Variants in YPEL3 observed in about 807,000 individuals in gnomAD.
YPEL3 encodes the protein protein yippee-like 3.
In YPEL3, 5 loss-of-function variants were observed where a neutral mutation model predicts 17.5. The ratio of observed to expected loss-of-function variants is 0.29; its 90% confidence interval spans 0.15 to 0.60. The LOEUF (loss-of-function observed/expected upper bound fraction) is 0.60, where lower values mean the gene tolerates loss of function less well. YPEL3 is among the 20% of genes least tolerant of loss of function. YPEL3 has a pLI of 0.87. For synonymous variants in YPEL3, 87 were observed against 87.2 expected, an observed-to-expected ratio of 1.00 and a Z score of 0.01; for missense variants, 155 against 211.4, an observed-to-expected ratio of 0.73 and a Z score of 1.65.
Position 30,094,821 on chromosome 16 carries a change from C to T in YPEL3, c.352G>A (p.Glu118Lys). 2 of 1,614,148 alleles carry T rather than the reference C, an allele frequency of 1.2e-6. No individual in the cohort carries two copies. The highest frequency in any genetic ancestry group is 1.1e-5 in the South Asian group (1 of 91,080). Residue 118 changes from glutamate to lysine, a missense_variant, in exon 3 of 4, where the codon GAG becomes AAG. Around this residue, in one of 3 missense-constraint regions of YPEL3, gnomAD observed 74 missense variants for 134.9 expected, o/e 0.55. Coordinates refer to ENST00000398841, the MANE Select transcript of YPEL3 (RefSeq NM_031477.5). ...GLHAVADIHC[E>K]NCKTTLGWKY... ...CAGCCCAAAGTGGTCTTGCAGTTCT[C>T]GCAGTGGATGTCGGCGACAGCATGG...
chr16:30,092,783 C>T lies in YPEL3; in HGVS notation c.401G>A (p.Ser134Asn), dbSNP rs1217945065. 1 of 1,614,042 alleles carries T rather than the reference C, an allele frequency of 6.2e-7. No homozygotes were observed. Among genetic ancestry groups the T allele is most frequent in the African/African-American group, 1.3e-5 (1 of 74,928 alleles). ...LGWKYEQAFE[S>N]SQKYKEGKYI... ...CTTCCCCTCTTTGTACTTCTGGCTGCTCTCAAAGGCCTGTTCCTGAAAGGA... is the reference window on the plus strand; with the variant it reads ...CTTCCCCTCTTTGTACTTCTGGCTGTTCTCAAAGGCCTGTTCCTGAAAGGA... The change falls in exon 4 of 4, where the codon AGC becomes AAC. Residue 134 changes from serine (S) to asparagine (N), a missense_variant. Ser to Asn is a conservative substitution (Grantham distance 46). Coordinates refer to ENST00000398841, the MANE Select transcript of YPEL3 (RefSeq NM_031477.5).
At chr16:30,093,521 A>G (rs964558797) in intron 3 of YPEL3, among the ~76,000 whole-genome samples, 11 of 151,840 alleles carry the variant, frequency 7.2e-5, no homozygotes, top group Non-Finnish European at 7.4e-5. Context: ...TCAGACTCCC[A>G]AAAGTGCTGG....
Position 30,095,286 on chromosome 16 carries a change from G to C in YPEL3, c.197C>G (p.Ala66Gly). The C allele has an allele frequency of 1.2e-6, 2 of 1,614,210 alleles. No individual in the cohort carries two copies. The highest frequency in any genetic ancestry group is 1.1e-5 in the South Asian group (1 of 91,084). ...HRRYSCAHCR[A>G]HLANHDDLIS... Reference sequence around the variant, plus strand: ...GAGGTCGTCGTGGTTGGCCAGGTGAGCGCGGCAGTGGGCACAGCTATACCT... The same window carrying C: ...GAGGTCGTCGTGGTTGGCCAGGTGACCGCGGCAGTGGGCACAGCTATACCT... Residue 66 changes from alanine to glycine, a missense_variant, in exon 1 of 4, where the codon GCT (alanine) becomes GGT (glycine). Around this residue, in one of 3 missense-constraint regions of YPEL3, gnomAD observed 74 missense variants for 134.9 expected, o/e 0.55. Coordinates refer to ENST00000398841, the MANE Select transcript of YPEL3 (RefSeq NM_031477.5). The surrounding 1 kb of genome is among the most constrained non-coding windows in gnomAD (Gnocchi z 5.4).
rs1182226939 is a variant in YPEL3 at position 30,096,102 on chromosome 16, C to T, written c.-620G>A. 7.1e-6 allele frequency: 1 copy of T among 141,694 alleles called. No individual in the cohort carries two copies. Among genetic ancestry groups the T allele is most frequent in the Non-Finnish European group, 1.5e-5 (1 of 65,596 alleles). 8.8% of individuals were successfully genotyped at this position (141,694 alleles called of 1,614,324 possible). ...CCTGACGGCGCGGGCCTCACCTCGC[C>T]TGGGCGCGCGGGGCCCGGTCCGCCG... On this transcript the variant is annotated 5_prime_UTR_variant, in exon 1 of 4. Transcript: ENST00000398841.
rs1567344306 is a variant in YPEL3, at chr16:30,092,511, G to A, written c.*199C>T. ...AAACGAGATCCAAGCCAGCCAGATC[G>A]CAGGAGGTGCGGGGGCGTCGTCCCC... On this transcript the variant is annotated 3_prime_UTR_variant, in exon 4 of 4. Transcript: ENST00000398841. 8.8e-6 allele frequency: 5 copies of A among 568,160 alleles called. No homozygotes were observed. The highest frequency in any genetic ancestry group is 1.6e-5 in the Non-Finnish European group (5 of 320,430). 35.2% of individuals were successfully genotyped at this position (568,160 alleles called of 1,614,324 possible).
rs1311106670 is a variant in YPEL3, at chr16:30,095,413, G to C, written c.70C>G (p.Pro24Ala). 6.2e-7 allele frequency: 1 copy of C among 1,608,202 alleles called. No homozygotes were observed. The highest frequency in any genetic ancestry group is 2.2e-5 in the East Asian group (1 of 44,808). The change falls in exon 1 of 4, where the codon CCG (proline) becomes GCG (alanine). Residue 24 changes from proline to alanine, a missense_variant. Pro to Ala is a conservative substitution (Grantham distance 27, BLOSUM62 -1). Coordinates refer to ENST00000398841, the MANE Select transcript of YPEL3 (RefSeq NM_031477.5). The surrounding 1 kb of genome is among the most constrained non-coding windows in gnomAD (Gnocchi z 5.4). ...PRQALGSLCSPWAAPRVGPLP... is the reference protein window; with the variant it reads ...PRQALGSLCSAWAAPRVGPLP... ...GGCCCCACGCGGGGAGCGGCCCACG[G>C]GGAGCAGAGGGAGCCCAGTGCCTGC...
At chr16:30,094,598 A>G in intron 3 of YPEL3, 191 bp downstream of exon 3, 1 of 625,236 alleles carries the variant, frequency 1.6e-6, no homozygotes. Flanking sequence ...TGCCTGGGAG[A>G]GAAGGGATGG....
chr16:30,095,045 AG>A lies in YPEL3; in HGVS notation c.275+57del, dbSNP rs2072777647. ...ACTCTGGGAGTCTCAGCAGGATGCC[AG>A]GGGTCACAGGTCACAACAGAGGTCA... On this transcript the variant is annotated intron_variant, in intron 2 of 3. Transcript: ENST00000398841. The surrounding 1 kb of genome is among the most constrained non-coding windows in gnomAD (Gnocchi z 5.4). 3.1e-6 allele frequency: 5 copies of A among 1,611,216 alleles called. No homozygotes were observed. The highest frequency in any genetic ancestry group is 4.2e-6 in the Non-Finnish European group (5 of 1,177,956).
chr16:30,095,387 TG>T lies in YPEL3; in HGVS notation c.95del (p.Pro32HisfsTer62), dbSNP rs754720813. 1 of 1,613,040 alleles carries T rather than the reference TG, an allele frequency of 6.2e-7. No individual in the cohort carries two copies. Among genetic ancestry groups the T allele is most frequent in the African/African-American group, 1.3e-5 (1 of 74,988 alleles). On this transcript the variant is annotated frameshift_variant, in exon 1 of 4. Coordinates refer to ENST00000398841, the MANE Select transcript of YPEL3 (RefSeq NM_031477.5). LOFTEE classifies it high-confidence loss of function. The surrounding 1 kb of genome is among the most constrained non-coding windows in gnomAD (Gnocchi z 5.4). The stretch of plus-strand genomic sequence containing the variant: ...GCACCATGGCGGGGGCCGGGGGCAG[TG>T]GCCCCACGCGGGGAGCGGCCCACGG... ...CSPWAAPRVGPLPPAPAMVRI... is the reference protein window; with the variant it reads ...CSPWAAPRVGXLPPAPAMVRI...
Position 30,095,039 on chromosome 16 carries a change from G to A in YPEL3, c.275+64C>T, listed in dbSNP as rs191108964. 3.7e-6 allele frequency: 6 copies of A among 1,609,848 alleles called. No individual in the cohort carries two copies. The African/African-American group carries it at 4.0e-5, about 11-fold the overall frequency. The stretch of plus-strand genomic sequence containing the variant: ...CGGGGAACTCTGGGAGTCTCAGCAG[G>A]ATGCCAGGGGTCACAGGTCACAACA... On this transcript the variant is annotated intron_variant, in intron 2 of 3. Coordinates refer to ENST00000398841, the MANE Select transcript of YPEL3 (RefSeq NM_031477.5). The surrounding 1 kb of genome is among the most constrained non-coding windows in gnomAD (Gnocchi z 5.4).
rs1283092477 is a variant in YPEL3 at position 30,095,362 on chromosome 16, G to C, written c.121C>G (p.Arg41Gly). Residue 41 changes from arginine (R) to glycine (G), a missense_variant, in exon 1 of 4, where the codon CGG becomes GGG. Physicochemically the swap from Arg to Gly is moderately radical, Grantham distance 125. Around this residue, in one of 3 missense-constraint regions of YPEL3, gnomAD observed 58 missense variants for 60.0 expected, o/e 0.97. Transcript: ENST00000398841. This position sits in a 1 kb window ranked among gnomAD's most constrained non-coding sequence, Gnocchi z 5.4. ...GPLPPAPAMV[R>G]ISKPKTFQAY... is the part of the protein sequence containing the mutation. ...TGAAACGTCTTGGGCTTTGAAATCC[G>C]CACCATGGCGGGGGCCGGGGGCAGT... 6.2e-7 allele frequency: 1 copy of C among 1,614,144 alleles called. No individual in the cohort carries two copies. The highest frequency in any genetic ancestry group is 2.2e-5 in the East Asian group (1 of 44,884).
Position 30,092,337 on chromosome 16 carries a change from A to G in YPEL3, c.*373T>C, listed in dbSNP as rs953558429. 1.0e-4 allele frequency: 22 copies of G among 217,848 alleles called. No individual in the cohort carries two copies. Among genetic ancestry groups the G allele is most frequent in the African/African-American group, 5.0e-4 (22 of 44,152 alleles). 13.5% of individuals were successfully genotyped at this position (217,848 alleles called of 1,614,324 possible). ...GCTGTCTCCACTCCATTGTTTTATT[A>G]TGTACAAACGCTACAGAACGAGGGG... On this transcript the variant is annotated 3_prime_UTR_variant, in exon 4 of 4. Coordinates refer to ENST00000398841, the MANE Select transcript of YPEL3 (RefSeq NM_031477.5).
rs913168994 is a variant in YPEL3 at position 30,095,707 on chromosome 16, G to A, written c.-225C>T. 3.9e-6 allele frequency: 2 copies of A among 515,560 alleles called. No homozygotes were observed. The highest frequency in any genetic ancestry group is 6.8e-6 in the Non-Finnish European group (2 of 292,494). The allele number at this position is 515,560 out of a possible 1,614,324, so 31.9% of individuals were successfully genotyped here. A position where few individuals can be genotyped will look rare whatever the true frequency, so the allele number is the denominator to read the frequency against. On this transcript the variant is annotated 5_prime_UTR_variant, in exon 1 of 4. Coordinates refer to ENST00000398841, the MANE Select transcript of YPEL3 (RefSeq NM_031477.5). This position sits in a 1 kb window ranked among gnomAD's most constrained non-coding sequence, Gnocchi z 5.4. ...GCTGACCTGGCAGCTGAAGCTGGAGGAAGGGGCTTTGGAGGGGCTGGGCTG... is the reference window on the plus strand; with the variant it reads ...GCTGACCTGGCAGCTGAAGCTGGAGAAAGGGGCTTTGGAGGGGCTGGGCTG...
rs1212900803 is a variant in YPEL3 at position 30,096,043 on chromosome 16, G to C, written c.-561C>G. The C allele has an allele frequency of 1.3e-5, 2 of 150,548 alleles. No individual in the cohort carries two copies. Among genetic ancestry groups the C allele is most frequent in the Admixed American group, 6.6e-5 (1 of 15,134 alleles). The allele number at this position is 150,548 out of a possible 1,614,324, so 9.3% of individuals were successfully genotyped here. A position where few individuals can be genotyped will look rare whatever the true frequency, so the allele number is the denominator to read the frequency against. On this transcript the variant is annotated 5_prime_UTR_variant, in exon 1 of 4. Coordinates refer to ENST00000398841, the MANE Select transcript of YPEL3 (RefSeq NM_031477.5). ...GGCGCCGGGGGAGGGGGCAGTCCTC[G>C]CGGGCTGGGCAGGGGCGCGGGGCGA...
In YPEL3 at chr16:30,092,816, G is replaced by A. The variant is rs766794826; in HGVS notation, c.385-17C>T. ...GGCCTGTTCCTGAAAGGAGGGGCGG[G>A]ACCGTCATCCCCGGAGCAACAGTCT... On this transcript the variant is annotated splice_polypyrimidine_tract_variant and intron_variant, in intron 3 of 3. Coordinates refer to ENST00000398841, the MANE Select transcript of YPEL3 (RefSeq NM_031477.5). 1.2e-5 allele frequency: 20 copies of A among 1,610,960 alleles called. No homozygotes were observed. In the Admixed American group the frequency reaches 3.2e-4, roughly 25 times the overall value.
chr16:30,094,599 G>C lies in YPEL3; in HGVS notation c.384+190C>G, dbSNP rs78254081. ...AATGGGGATCCAAGTGCCTGGGAGA[G>C]AAGGGATGGGTTAAGAGAAAAGTTC... On this transcript the variant is annotated intron_variant, in intron 3 of 3. Coordinates refer to ENST00000398841, the MANE Select transcript of YPEL3 (RefSeq NM_031477.5). The C allele has an allele frequency of 2.0e-3, 1,229 of 628,506 alleles. 16 individuals are homozygous for C. The African/African-American group carries it at 0.021, about 11-fold the overall frequency. 38.9% of individuals were successfully genotyped at this position (628,506 alleles called of 1,614,324 possible).
At position 30,095,399 on chromosome 16, in the gene YPEL3, G is replaced by C. The variant is rs764874837; in HGVS notation, c.84C>G (p.Pro28=). 1.2e-6 allele frequency: 2 copies of C among 1,612,256 alleles called. No homozygotes were observed. Among genetic ancestry groups the C allele is most frequent in the Non-Finnish European group, 8.5e-7 (1 of 1,179,122 alleles). ...LGSLCSPWAA[P]RVGPLPPAPA... ...GGGCCGGGGGCAGTGGCCCCACGCG[G>C]GGAGCGGCCCACGGGGAGCAGAGGG... The change falls in exon 1 of 4, where the codon CCC becomes CCG. Residue 28 remains proline, a synonymous_variant. Transcript: ENST00000398841. This position sits in a 1 kb window ranked among gnomAD's most constrained non-coding sequence, Gnocchi z 5.4.
rs967563824 is a variant in YPEL3 at position 30,095,828 on chromosome 16, G to A, written c.-346C>T. 1.8e-5 allele frequency: 5 copies of A among 274,584 alleles called. No homozygotes were observed. Among genetic ancestry groups the A allele is most frequent in the East Asian group, 6.3e-5 (1 of 15,832 alleles). 17.0% of individuals were successfully genotyped at this position (274,584 alleles called of 1,614,324 possible). A position where few individuals can be genotyped will look rare whatever the true frequency, so the allele number is the denominator to read the frequency against. On this transcript the variant is annotated 5_prime_UTR_variant, in exon 1 of 4. Coordinates refer to ENST00000398841, the MANE Select transcript of YPEL3 (RefSeq NM_031477.5). This position sits in a 1 kb window ranked among gnomAD's most constrained non-coding sequence, Gnocchi z 5.4. ...AGTGGGGTTCACTGGTGGTTTAGGG[G>A]GTTCATCGGGGAGAGGGTCCCCCAC...
In YPEL3 at chr16:30,092,607, C is replaced by T. The variant is rs2072743749; in HGVS notation, c.*103G>A. The T allele has an allele frequency of 9.6e-7, 1 of 1,036,838 alleles. No homozygotes were observed. The highest frequency in any genetic ancestry group is 1.3e-5 in the South Asian group (1 of 76,662). The allele number at this position is 1,036,838 out of a possible 1,614,324, so 64.2% of individuals were successfully genotyped here. A position where few individuals can be genotyped will look rare whatever the true frequency, so the allele number is the denominator to read the frequency against. On this transcript the variant is annotated 3_prime_UTR_variant, in exon 4 of 4. Transcript: ENST00000398841. ...ATACAGGAGCTAGATCCGTCCTCTG[C>T]AGGGGCTCTGAGGGTCCAGAGCTCC...
Sources: allele counts gnomAD v4.1 joint callset (sites outside exome capture counted in the v4.1 genomes callset), GRCh38; gene constraint gnomAD v4.1.1; regional missense constraint gnomAD v4.1.1; non-coding constraint Gnocchi (gnomAD v3.1); transcripts MANE v1.5; gene names NCBI Gene and HGNC (gene_info 2026-07-23, HGNC 2026-07-21).